Variants in NBEA observed in about 807,000 individuals in gnomAD.
NBEA encodes the protein lysosomal-trafficking regulator 2.
Under a neutral mutation model 343.4 loss-of-function variants are expected in NBEA, and 44 were observed. The ratio of observed to expected loss-of-function variants is 0.13; its 90% CI spans 0.10 to 0.16. NBEA has a LOEUF of 0.16. Ranked by LOEUF, NBEA falls within the 10% of genes least tolerant of loss-of-function variation. The pLI is 1.00. For missense variants in NBEA, 2,555 were observed against 3,631.3 expected, an observed-to-expected ratio of 0.70 and a Z score of 7.62; for synonymous variants, 1,175 against 1,238.7, an observed-to-expected ratio of 0.95 and a Z score of 1.08.
At chr13:35,665,812 G>T (rs2085324010) in intron 56 of NBEA, among the ~76,000 whole-genome samples, 1 of 152,154 alleles carries the variant, frequency 6.6e-6, no homozygotes, top group African/African-American at 2.4e-5. Flanking sequence ...ATTTTCAGTA[G>T]AGATGGGGTT....
At chr13:35,168,946 A>T (rs754785234) in intron 24 of NBEA, 41 bp from the exon 25 acceptor site, 1 of 1,331,182 alleles carries the variant, frequency 7.5e-7, no homozygotes. Context: ...CTTTTCTTGT[A>T]CTTTTTGGTC....
At chr13:35,466,847 TA>T (rs2075405989) in intron 40 of NBEA, among the ~76,000 whole-genome samples, 1 of 152,218 alleles carries the variant, frequency 6.6e-6, no homozygotes, top group Non-Finnish European at 1.5e-5. Context: ...TATTTGTATA[TA>T]AATAAAACAG....
intron 41 of NBEA, among the ~76,000 whole-genome samples, chr13:35,508,882 G>A (rs550477332): frequency 3.7e-4 from 56 of 152,250 alleles, no homozygotes; most frequent in African/African-American, 1.2e-3. Flanking sequence ...GTTGAATGGC[G>A]GATTGTTTGG....
At chr13:35,398,198 A>G (rs998404525) in intron 38 of NBEA, among the ~76,000 whole-genome samples, 1 of 152,096 alleles carries the variant, frequency 6.6e-6, no homozygotes, top group African/African-American at 2.4e-5. Context: ...CAAAAGTTTT[A>G]TTATGAGATT....
chr13:35,162,649 T>G (rs2069660311), intron 23 of NBEA, among the ~76,000 whole-genome samples: 1 of 152,002 alleles, frequency 6.6e-6, no homozygotes, highest in Admixed American at 6.6e-5. Flanking sequence ...GTCAAGAAAT[T>G]TCCCCCTTAT....
chr13:35,058,404 G>T (rs1393793126), intron 7 of NBEA, among the ~76,000 whole-genome samples: 1 of 151,970 alleles, frequency 6.6e-6, no homozygotes, highest in Non-Finnish European at 1.5e-5. Context: ...TTTTAAATTA[G>T]TTTAACTTTT....
At chr13:35,455,447 T>C (rs2046528887) in intron 40 of NBEA, among the ~76,000 whole-genome samples, 1 of 151,418 alleles carries the variant, frequency 6.6e-6, no homozygotes, top group African/African-American at 2.4e-5. Context: ...CATGAAGTAC[T>C]AGGAGCCAGA....
rs558321513 is a variant in NBEA at position 35,323,000 on chromosome 13, C to T, written c.5903+13408C>T. Among the ~76,000 whole-genome samples, 12 of 152,206 alleles carry T rather than the reference C, an allele frequency of 7.9e-5. No homozygotes were observed. In the South Asian group the frequency reaches 2.3e-3, roughly 29 times the overall value. The stretch of plus-strand genomic sequence containing the variant: ...AAGTAGCTGGGACTATAGGCACGAG[C>T]CACCATGCCCAGCTGCATTTTGTAT... On this transcript the variant is annotated intron_variant, in intron 36 of 58. Coordinates refer to ENST00000379939, the MANE Select transcript of NBEA (RefSeq NM_001385012.1).
rs2079096500 is a variant in NBEA at position 35,546,994 on chromosome 13, G to GA, written c.6586-3479dup. On this transcript the variant is annotated intron_variant, in intron 41 of 58. Transcript: ENST00000379939. ...GTGGTTTGCTATAAAAAAAAGAAAAGAAAAGAAAATGACCCTAGGCTCTAT... is the reference window on the plus strand; with the variant it reads ...GTGGTTTGCTATAAAAAAAAGAAAAGAAAAAGAAAATGACCCTAGGCTCTAT... Among the ~76,000 whole-genome samples, 8 of 152,230 alleles carry GA rather than the reference G, an allele frequency of 5.3e-5. No individual in the cohort carries two copies. In the South Asian group the frequency reaches 1.7e-3, roughly 32 times the overall value.
At chr13:35,352,404 A>G in intron 38 of NBEA, 81 bp downstream of exon 38, 2 of 730,080 alleles carry the variant, frequency 2.7e-6, no homozygotes. Flanking sequence ...CTACAAATTT[A>G]AAAGTCATTT....
intron 41 of NBEA, among the ~76,000 whole-genome samples, chr13:35,487,720 C>A (rs749213750): frequency 6.6e-6 from 1 of 151,962 alleles, no homozygotes; most frequent in Non-Finnish European, 1.5e-5. Flanking sequence ...CTTCTGGCCC[C>A]TACTTTCCCT....
chr13:35,135,735 T>C (rs2067684383), intron 17 of NBEA, among the ~76,000 whole-genome samples: 2 of 151,894 alleles, frequency 1.3e-5, no homozygotes, highest in Non-Finnish European at 2.9e-5. Context: ...GGGTGTAGAA[T>C]AGAAAGCACA....
rs928120486 is a variant in NBEA, at chr13:35,351,820, GAT to G, written c.6013-333_6013-332del. Among the ~76,000 whole-genome samples, 13 of 151,896 alleles carry G rather than the reference GAT, an allele frequency of 8.6e-5. 1 individual carries two copies. Among genetic ancestry groups the G allele is most frequent in the Admixed American group, 8.5e-4 (13 of 15,240 alleles). ...GGAACATACCTCTTATTTTAAGTGAGATATACTATATTGGCTTGATAAACAAG... is the reference window on the plus strand; with the variant it reads ...GGAACATACCTCTTATTTTAAGTGAGATACTATATTGGCTTGATAAACAAG... On this transcript the variant is annotated intron_variant, in intron 37 of 58. Transcript: ENST00000379939.
chr13:35,217,560 TAGGTTG>T (rs1440622296), intron 33 of NBEA, among the ~76,000 whole-genome samples: 1 of 152,060 alleles, frequency 6.6e-6, no homozygotes, highest in Non-Finnish European at 1.5e-5. Flanking sequence ...GTGTGAGGTT[TAGGTTG>T]AGGTACACAT....
At chr13:35,262,041 T>C (rs1243425240) in intron 34 of NBEA, among the ~76,000 whole-genome samples, 1 of 152,218 alleles carries the variant, frequency 6.6e-6, no homozygotes. Flanking sequence ...AGTGATTATA[T>C]TAAATGCCAG....
intron 31 of NBEA, among the ~76,000 whole-genome samples, chr13:35,208,287 A>C (rs2152750556): frequency 6.6e-6 from 1 of 152,298 alleles, no homozygotes; most frequent in East Asian, 1.9e-4. Flanking sequence ...TTATGTTTTT[A>C]CATATTTATG....
At chr13:35,170,158 A>G (rs944566547) in intron 25 of NBEA, among the ~76,000 whole-genome samples, 2 of 151,622 alleles carry the variant, frequency 1.3e-5, no homozygotes, top group African/African-American at 4.8e-5. Flanking sequence ...TTCTTTTTTC[A>G]GTGTTTTCTG....
intron 38 of NBEA, among the ~76,000 whole-genome samples, chr13:35,412,293 A>G (rs1238804321): frequency 7.0e-6 from 1 of 143,286 alleles, no homozygotes; most frequent in East Asian, 1.9e-4. Flanking sequence ...CATGTTAACT[A>G]AAAGGGCGCT....
rs148903624 is a variant in NBEA at position 35,419,148 on chromosome 13, A to G, written c.6180-13121A>G. 8.3e-4 allele frequency among the ~76,000 whole-genome samples: 126 copies of G among 152,166 alleles called. 2 individuals are homozygous for G. In the East Asian group the frequency reaches 0.022, roughly 27 times the overall value. On this transcript the variant is annotated intron_variant, in intron 38 of 58. Coordinates refer to ENST00000379939, the MANE Select transcript of NBEA (RefSeq NM_001385012.1). ...CTCAAAAAGTTTTGGGTTTTGGAAC[A>G]TTTTGGATTTTCAGATTAGAGATGC...
Sources: allele counts gnomAD v4.1 joint callset (sites outside exome capture counted in the v4.1 genomes callset), GRCh38; gene constraint gnomAD v4.1.1; transcripts MANE v1.5; gene names NCBI Gene and HGNC (gene_info 2026-07-23, HGNC 2026-07-21).